PDE1A: variants seen among roughly 807,000 people sequenced by gnomAD.
PDE1A encodes dual specificity calcium/calmodulin-dependent 3',5'-cyclic nucleotide phosphodiesterase 1A.
A neutral mutation model predicts 61.7 loss-of-function variants in PDE1A; 35 were observed. The ratio of observed to expected loss-of-function variants is 0.57; its 90% CI spans 0.43 to 0.75. The LOEUF (loss-of-function observed/expected upper bound fraction) is 0.75, where lower values mean the gene tolerates loss of function less well. PDE1A is among the 30% of genes least tolerant of loss of function. The probability of loss-of-function intolerance (pLI) is 0.00; values close to 1 mark genes in which losing one functional copy is unlikely to be tolerated. For missense variants in PDE1A, 597 were observed against 630.6 expected, an observed-to-expected ratio of 0.95 and a Z score of 0.57; for synonymous variants, 232 against 213.2, an observed-to-expected ratio of 1.09 and a Z score of -0.77.
At chr2:182,503,977 A>G (rs144265636) in intron 2 of PDE1A, among the ~76,000 whole-genome samples, 1 of 152,206 alleles carries the variant, frequency 6.6e-6, no homozygotes, top group African/African-American at 2.4e-5. Flanking sequence ...AAGAATATTA[A>G]CCCTACTTTC....
chr2:182,177,665 C>T (rs1299698941), intron 13 of PDE1A, among the ~76,000 whole-genome samples: 51 of 151,934 alleles, frequency 3.4e-4, no homozygotes, highest in Admixed American at 3.3e-3. Flanking sequence ...TTACTGTAGC[C>T]TTGTAGTATA....
At chr2:182,232,657 C>T (rs1392689371) in intron 4 of PDE1A, among the ~76,000 whole-genome samples, 1 of 152,116 alleles carries the variant, frequency 6.6e-6, no homozygotes, top group African/African-American at 2.4e-5. Flanking sequence ...CAAATGCTTG[C>T]TTTATCTCTT....
chr2:182,440,640 A>G (rs1366858253), intron 2 of PDE1A, among the ~76,000 whole-genome samples: 1 of 152,110 alleles, frequency 6.6e-6, no homozygotes, highest in Non-Finnish European at 1.5e-5. Flanking sequence ...TTAACAGTAC[A>G]TAAAACTTAA....
chr2:182,397,060 C>T (rs1701745615), intron 1 of PDE1A, among the ~76,000 whole-genome samples: 1 of 152,078 alleles, frequency 6.6e-6, no homozygotes, highest in African/African-American at 2.4e-5. Flanking sequence ...GGTCATTTAT[C>T]TCATAGGAAA....
the PDE1A span, among the ~76,000 whole-genome samples, chr2:182,694,443 G>T: frequency 6.6e-5 from 10 of 152,264 alleles, no homozygotes; most frequent in African/African-American, 2.2e-4. Context: ...TGAGCATCGG[G>T]AATCCACTCC....
chr2:182,656,367 T>C, the PDE1A span, among the ~76,000 whole-genome samples: 1 of 152,236 alleles, frequency 6.6e-6, no homozygotes, highest in Non-Finnish European at 1.5e-5. Flanking sequence ...TATCTTACTT[T>C]TGTCAAGCAG....
chr2:182,203,317 C>T (rs1320442787), intron 8 of PDE1A, among the ~76,000 whole-genome samples: 1 of 139,396 alleles, frequency 7.2e-6, no homozygotes, highest in East Asian at 2.1e-4. Context: ...AAGACTCCGT[C>T]TGAAAAAAAA....
chr2:182,364,855 T>C (rs13030388), intron 1 of PDE1A, among the ~76,000 whole-genome samples: 11,291 of 152,058 alleles, frequency 0.074, 537 homozygotes, highest in Non-Finnish European at 0.11. Flanking sequence ...AAAACAGACA[T>C]TGTATTCAGT....
chr2:182,674,244 G>A, the PDE1A span, among the ~76,000 whole-genome samples: 1 of 151,906 alleles, frequency 6.6e-6, no homozygotes, highest in Non-Finnish European at 1.5e-5. Flanking sequence ...AACTGCAGTT[G>A]CATTGCTTTC....
upstream of PDE1A, among the ~76,000 whole-genome samples, chr2:182,527,301 TATAAAAAA>T (rs1690785822): frequency 3.6e-5 from 1 of 27,572 alleles, no homozygotes; most frequent in African/African-American, 2.2e-4. Context: ...ACCCTTTCTC[TATAAAAAA>T]AAAAAAAAAA....
chr2:182,181,391 A>T (rs2125374090), intron 13 of PDE1A, among the ~76,000 whole-genome samples: 1 of 152,210 alleles, frequency 6.6e-6, no homozygotes, highest in Non-Finnish European at 1.5e-5. Context: ...TCCACTCCAG[A>T]CCCTGTCACC....
At chr2:182,643,311 T>C in the PDE1A span, among the ~76,000 whole-genome samples, 2 of 152,300 alleles carry the variant, frequency 1.3e-5, no homozygotes, top group Admixed American at 1.3e-4. Context: ...GGTTAATTAA[T>C]TGCCTGGTAC....
chr2:182,456,778 A>G (rs1685947973), intron 2 of PDE1A, among the ~76,000 whole-genome samples: 1 of 152,162 alleles, frequency 6.6e-6, no homozygotes, highest in East Asian at 1.9e-4. Flanking sequence ...AAATCAGTGT[A>G]TACTACAACT....
At chr2:182,559,851 G>A in the PDE1A span, among the ~76,000 whole-genome samples, 1 of 152,054 alleles carries the variant, frequency 6.6e-6, no homozygotes, top group Non-Finnish European at 1.5e-5. Context: ...GTATCATCGA[G>A]CAAAAGCCAG....
chr2:182,370,141 C>T (rs1700050838), intron 1 of PDE1A, among the ~76,000 whole-genome samples: 1 of 151,326 alleles, frequency 6.6e-6, no homozygotes, highest in Admixed American at 6.6e-5. Flanking sequence ...CACACCACTG[C>T]ACTCCAGCCT....
chr2:182,154,607 C>T (rs574450997), intron 13 of PDE1A, among the ~76,000 whole-genome samples: 15 of 152,108 alleles, frequency 9.9e-5, no homozygotes, highest in Non-Finnish European at 1.8e-4. Context: ...GGGAGGTCTC[C>T]TGCTTCTTGC....
chr2:182,192,309 G>T (rs1477683450), intron 10 of PDE1A, among the ~76,000 whole-genome samples: 1 of 151,956 alleles, frequency 6.6e-6, no homozygotes, highest in East Asian at 1.9e-4. Flanking sequence ...AATTAATTTA[G>T]AATATTAAAT....
At position 182,490,880 on chromosome 2, in the gene PDE1A, A is replaced by T. The variant is rs139196478; in HGVS notation, c.101+31396T>A. On this transcript the variant is annotated intron_variant, in intron 2 of 14. Transcript: ENST00000410103. ...CATTGACTATAGCAGAAAATAATGC[A>T]AAGTGTAGGAAGAGATATGTGGGGC... Among the ~76,000 whole-genome samples, 27 of 152,290 alleles carry T rather than the reference A, an allele frequency of 1.8e-4. No individual in the cohort carries two copies. The East Asian group carries it at 5.2e-3, about 29-fold the overall frequency.
intron 2 of PDE1A, among the ~76,000 whole-genome samples, chr2:182,241,296 T>C (rs1196155464): frequency 6.6e-6 from 1 of 152,218 alleles, no homozygotes; most frequent in Non-Finnish European, 1.5e-5. Flanking sequence ...GACTTGGTTC[T>C]TTCCTTATCT....
Sources: gnomAD v4.1 joint callset for allele counts (sites outside exome capture counted in the v4.1 genomes callset) on GRCh38, gnomAD v4.1.1 for gene constraint, MANE v1.5 for transcripts, NCBI Gene and HGNC (gene_info 2026-07-23, HGNC 2026-07-21) for gene names.